Variants in ASTN2 observed in about 807,000 individuals in gnomAD.
ASTN2 encodes astrotactin-2.
Under a neutral mutation model 139.8 loss-of-function variants are expected in ASTN2, and 54 were observed. That is an observed-to-expected ratio of 0.39 (90% confidence interval 0.31 to 0.48). ASTN2 has a LOEUF of 0.48. Among genes scored for constraint, ASTN2 ranks in the 20% least tolerant of loss-of-function variants. The probability of loss-of-function intolerance (pLI) is 0.95; values close to 1 mark genes in which losing one functional copy is unlikely to be tolerated. For synonymous variants in ASTN2, 756 were observed against 719.5 expected (o/e 1.05, Z -0.81); for missense variants, 1,565 against 1,725.1 (o/e 0.91, Z 1.64).
chr9:116,441,815 C>T (rs542365294), intron 21 of ASTN2, among the ~76,000 whole-genome samples: 1 of 152,308 alleles, frequency 6.6e-6, no homozygotes, highest in South Asian at 2.1e-4. Flanking sequence ...TGCATCTACA[C>T]AATGCTGAAG....
At chr9:117,177,027 C>G (rs1830934526) in intron 3 of ASTN2, among the ~76,000 whole-genome samples, 1 of 152,148 alleles carries the variant, frequency 6.6e-6, no homozygotes, top group Admixed American at 6.5e-5. Context: ...ACATGGAAAA[C>G]TTGTTATAGT....
intron 5 of ASTN2, among the ~76,000 whole-genome samples, chr9:117,092,847 G>C (rs1828739361): frequency 6.6e-6 from 1 of 152,164 alleles, no homozygotes. Context: ...GAATAGGAGA[G>C]GACTGGGATG....
intron 13 of ASTN2, among the ~76,000 whole-genome samples, chr9:116,753,714 AT>A (rs1426679665): frequency 1.3e-5 from 2 of 152,164 alleles, no homozygotes; most frequent in Non-Finnish European, 2.9e-5. Context: ...TAGTCTAGGT[AT>A]TTTTTGTAGT....
At chr9:116,584,250 A>G (rs917334178) in intron 19 of ASTN2, 1 of 152,188 alleles carries the variant, frequency 6.6e-6, no homozygotes, top group Admixed American at 6.5e-5. Context: ...AGGCCCCAGA[A>G]CAATGCTGGA....
intron 2 of ASTN2, among the ~76,000 whole-genome samples, chr9:117,238,341 A>G (rs1442830047): frequency 1.3e-5 from 2 of 152,190 alleles, no homozygotes; most frequent in African/African-American, 4.8e-5. Flanking sequence ...TAACCGAGAC[A>G]GAATTCAAAC....
chr9:116,925,526 C>T (rs1375343894), intron 10 of ASTN2, among the ~76,000 whole-genome samples: 1 of 152,174 alleles, frequency 6.6e-6, no homozygotes, highest in Admixed American at 6.5e-5. Context: ...TATGTGTGTA[C>T]ACACATACTC....
At chr9:116,869,134 G>A (rs536786613) in intron 10 of ASTN2, among the ~76,000 whole-genome samples, 6 of 152,050 alleles carry the variant, frequency 3.9e-5, no homozygotes, top group African/African-American at 7.2e-5. Flanking sequence ...GTAGTGAGCC[G>A]AGATCACAGC....
intron 3 of ASTN2, among the ~76,000 whole-genome samples, chr9:117,191,126 C>A (rs535365174): frequency 2.7e-5 from 4 of 150,788 alleles, no homozygotes; most frequent in Admixed American, 6.6e-5. Flanking sequence ...ACCATTTGAC[C>A]CAATAATTCC....
intron 2 of ASTN2, among the ~76,000 whole-genome samples, chr9:117,283,412 G>A (rs969566383): frequency 2.0e-5 from 3 of 150,266 alleles, no homozygotes; most frequent in Non-Finnish European, 1.5e-5. Context: ...AATATTAAAA[G>A]TTCTACTTTC....
At chr9:116,889,558 T>C (rs1321640282) in intron 10 of ASTN2, among the ~76,000 whole-genome samples, 4 of 151,974 alleles carry the variant, frequency 2.6e-5, no homozygotes, top group Non-Finnish European at 2.9e-5. Flanking sequence ...TCCTCAGGAA[T>C]TAGAACTGGT....
At chr9:117,237,991 G>A (rs1833094413) in intron 2 of ASTN2, among the ~76,000 whole-genome samples, 1 of 152,170 alleles carries the variant, frequency 6.6e-6, no homozygotes, top group South Asian at 2.1e-4. Flanking sequence ...CAAGGAGGCT[G>A]ACACTGGGGC....
At chr9:117,227,083 G>A (rs189186898) in intron 2 of ASTN2, among the ~76,000 whole-genome samples, 5 of 152,226 alleles carry the variant, frequency 3.3e-5, no homozygotes, top group Admixed American at 2.6e-4. Context: ...GTCTGATGCT[G>A]GCTTCTTTAG....
At chr9:116,942,073 TGCACGTACGCAC>T (rs1294829270) in intron 10 of ASTN2, among the ~76,000 whole-genome samples, 2 of 90,920 alleles carry the variant, frequency 2.2e-5, no homozygotes, top group South Asian at 5.0e-4. Flanking sequence ...TGCATGCAAG[TGCACGTACGCAC>T]GCACGCACAC....
At chr9:116,570,596 A>C (rs1853465501) in intron 19 of ASTN2, among the ~76,000 whole-genome samples, 1 of 152,072 alleles carries the variant, frequency 6.6e-6, no homozygotes, top group Non-Finnish European at 1.5e-5. Context: ...ACGGGGTTTC[A>C]CCGTGTTAGC....
At chr9:117,032,167 C>T (rs895194866) in intron 6 of ASTN2, among the ~76,000 whole-genome samples, 11 of 152,040 alleles carry the variant, frequency 7.2e-5, no homozygotes, top group African/African-American at 2.7e-4. Flanking sequence ...TATTATTTGT[C>T]TCTAAGGATT....
intron 4 of ASTN2, among the ~76,000 whole-genome samples, chr9:117,120,794 G>T (rs111949426): frequency 3.3e-5 from 5 of 152,326 alleles, no homozygotes; most frequent in African/African-American, 1.2e-4. Context: ...CATCCTGTAG[G>T]TAATGGAAGC....
At chr9:116,448,411 T>C (rs913488735) in intron 20 of ASTN2, among the ~76,000 whole-genome samples, 1 of 152,174 alleles carries the variant, frequency 6.6e-6, no homozygotes, top group African/African-American at 2.4e-5. Flanking sequence ...TCAGTGCCCA[T>C]CTCTATGCTT....
intron 1 of ASTN2, among the ~76,000 whole-genome samples, chr9:117,311,069 C>T (rs1375986828): frequency 1.3e-5 from 2 of 152,112 alleles, no homozygotes; most frequent in Non-Finnish European, 2.9e-5. Flanking sequence ...GGACCACCTC[C>T]AAAAGAAATT....
At chr9:116,637,390 G>A (rs940555181) in intron 17 of ASTN2, among the ~76,000 whole-genome samples, 3 of 152,148 alleles carry the variant, frequency 2.0e-5, no homozygotes, top group Non-Finnish European at 4.4e-5. Flanking sequence ...CTTAATTTGT[G>A]AAACAATTGT....
Sources: allele counts gnomAD v4.1 joint callset (sites outside exome capture counted in the v4.1 genomes callset), GRCh38; gene constraint gnomAD v4.1.1; transcripts MANE v1.5; gene names NCBI Gene and HGNC (gene_info 2026-07-23, HGNC 2026-07-21).